BBS9: variants seen among roughly 807,000 people sequenced by gnomAD.
BBS9 encodes Bardet-Biedl syndrome 9.
BBS9 carries 89 observed loss-of-function variants against 117.7 expected under a neutral mutation model. The observed-to-expected ratio is 0.76, with a 90% CI of 0.64 to 0.90. BBS9 has a LOEUF of 0.90. Ranked by LOEUF, BBS9 falls within the 40% of genes least tolerant of loss-of-function variation. The pLI is 0.00. For missense variants in BBS9, 982 were observed against 1,042.2 expected, an observed-to-expected ratio of 0.94 and a Z score of 0.80; for synonymous variants, 379 against 370.9, an observed-to-expected ratio of 1.02 and a Z score of -0.25.
At chr7:33,597,758 A>T (rs930761450) in intron 21 of BBS9, among the ~76,000 whole-genome samples, 1 of 152,002 alleles carries the variant, frequency 6.6e-6, no homozygotes, top group Non-Finnish European at 1.5e-5. Context: ...CATTTGTGGC[A>T]TCAGTTCCCC....
chr7:33,139,152 T>C, intron 1 of BBS9, among the ~76,000 whole-genome samples: 1 of 151,162 alleles, frequency 6.6e-6, no homozygotes, highest in East Asian at 2.2e-4. Context: ...TTCAGGAGGC[T>C]GAGGCAGGAG....
intron 21 of BBS9, among the ~76,000 whole-genome samples, chr7:33,632,151 T>C (rs1345239095): frequency 6.6e-6 from 1 of 152,134 alleles, no homozygotes; most frequent in African/African-American, 2.4e-5. Flanking sequence ...GGGTTTTCTT[T>C]AGTGTTTCCC....
At chr7:33,295,182 A>C (rs1186449540) in intron 9 of BBS9, among the ~76,000 whole-genome samples, 1 of 152,142 alleles carries the variant, frequency 6.6e-6, no homozygotes, top group Non-Finnish European at 1.5e-5. Context: ...TTAGAGAAAA[A>C]GAGATACTAA....
intron 5 of BBS9, among the ~76,000 whole-genome samples, chr7:33,234,710 C>T (rs1229968112): frequency 6.7e-6 from 1 of 149,142 alleles, no homozygotes; most frequent in African/African-American, 2.4e-5. Flanking sequence ...CACACACACA[C>T]ACACACATAC....
intron 19 of BBS9, among the ~76,000 whole-genome samples, chr7:33,405,467 C>G (rs1373286264): frequency 1.3e-5 from 2 of 152,138 alleles, no homozygotes; most frequent in African/African-American, 4.8e-5. Flanking sequence ...GTGAATCCAT[C>G]TGGTCGTGGA....
chr7:33,337,006 TA>T (rs1212486729), intron 10 of BBS9, among the ~76,000 whole-genome samples: 1 of 152,130 alleles, frequency 6.6e-6, no homozygotes, highest in East Asian at 1.9e-4. Context: ...GTTCTTCTTT[TA>T]AAAGAAACCA....
At position 33,593,530 on chromosome 7, in the gene BBS9, G is replaced by T. The variant is rs116338410; in HGVS notation, c.2522-11335G>T. Among the ~76,000 whole-genome samples, 278 of 152,156 alleles carry T rather than the reference G, an allele frequency of 1.8e-3. 2 individuals carry two copies. The highest frequency in any genetic ancestry group is 6.3e-3 in the African/African-American group (262 of 41,530). ...AAAACAGATGTAATGCAAATAAATAGAAGAGTTCTCATTTCCTTCAGTGAA... is the reference window on the plus strand; with the variant it reads ...AAAACAGATGTAATGCAAATAAATATAAGAGTTCTCATTTCCTTCAGTGAA... On this transcript the variant is annotated intron_variant, in intron 21 of 22. Transcript: ENST00000242067.
At chr7:33,558,301 A>G (rs768859396) in intron 21 of BBS9, among the ~76,000 whole-genome samples, 3 of 152,170 alleles carry the variant, frequency 2.0e-5, no homozygotes, top group Non-Finnish European at 4.4e-5. Context: ...GTAGTGTGAT[A>G]AGAGTAAATG....
rs536594402 is a variant in BBS9 at position 33,316,729 on chromosome 7, AT to A, written c.1017-19703del. On this transcript the variant is annotated intron_variant, in intron 9 of 22. Coordinates refer to ENST00000242067, the MANE Select transcript of BBS9 (RefSeq NM_198428.3). ...ATATTCATGTCTTTTGCCCAGTTAA[AT>A]TTTTTTTTGGTTGTTATAGTAGTTC... 9.0e-4 allele frequency among the ~76,000 whole-genome samples: 137 copies of A among 151,684 alleles called. 1 individual carries two copies. Among genetic ancestry groups the A allele is most frequent in the Non-Finnish European group, 1.0e-3 (70 of 67,830 alleles).
rs750064910 is a variant in BBS9 at position 33,357,919 on chromosome 7, G to A, written c.1617G>A (p.Gln539=). The change falls in exon 16 of 23, where the codon CAG becomes CAA. Residue 539 remains glutamine (Q), a synonymous_variant. Transcript: ENST00000242067. ...TAAAGTTAATTTGCCTACCAGGTCAGCCTTCAAAAACTGCAAGCCACAAAA... is the reference window on the plus strand; with the variant it reads ...TAAAGTTAATTTGCCTACCAGGTCAACCTTCAAAAACTGCAAGCCACAAAA... The part of the protein sequence containing the change: ...LPLKLICLPG[Q]PSKTASHKIT... 3.1e-6 allele frequency: 5 copies of A among 1,612,140 alleles called. No individual in the cohort carries two copies. The highest frequency in any genetic ancestry group is 1.1e-5 in the South Asian group (1 of 91,044).
At chr7:33,604,556 T>C (rs1864294395) in intron 21 of BBS9, among the ~76,000 whole-genome samples, 1 of 152,226 alleles carries the variant, frequency 6.6e-6, no homozygotes, top group Non-Finnish European at 1.5e-5. Flanking sequence ...CTTTATATTC[T>C]GGATATCACA....
intron 5 of BBS9, among the ~76,000 whole-genome samples, chr7:33,183,650 A>G (rs978104813): frequency 6.6e-6 from 1 of 152,214 alleles, no homozygotes; most frequent in Non-Finnish European, 1.5e-5. Flanking sequence ...GTCAATTTTG[A>G]GCTTGCAAAA....
At chr7:33,586,869 A>G (rs1246206634) in intron 21 of BBS9, among the ~76,000 whole-genome samples, 1 of 152,100 alleles carries the variant, frequency 6.6e-6, no homozygotes, top group African/African-American at 2.4e-5. Context: ...TCATAAACAT[A>G]GAATCAATAG....
chr7:33,613,300 G>A (rs913687454), intron 21 of BBS9, among the ~76,000 whole-genome samples: 2 of 152,032 alleles, frequency 1.3e-5, no homozygotes, highest in Admixed American at 6.6e-5. Context: ...ACCCTAAAAT[G>A]TAAGACTGTT....
intron 21 of BBS9, among the ~76,000 whole-genome samples, chr7:33,568,351 A>G (rs909671951): frequency 3.3e-5 from 5 of 152,094 alleles, no homozygotes; most frequent in Non-Finnish European, 7.4e-5. Flanking sequence ...TCTTGCTGAC[A>G]TCCCCACTTC....
intron 4 of BBS9, among the ~76,000 whole-genome samples, chr7:33,168,857 T>TGTGCAG (rs1393430284): frequency 6.6e-6 from 1 of 152,118 alleles, no homozygotes; most frequent in East Asian, 1.9e-4. Context: ...ATGTGCACAT[T>TGTGCAG]GTGCAGGTTA....
intron 21 of BBS9, among the ~76,000 whole-genome samples, chr7:33,621,069 G>A (rs1348849697): frequency 6.6e-6 from 1 of 151,938 alleles, no homozygotes; most frequent in Non-Finnish European, 1.5e-5. Flanking sequence ...ATACAAAAAT[G>A]AATGAAAAAA....
At chr7:33,478,872 T>C (rs1311379814) in intron 19 of BBS9, among the ~76,000 whole-genome samples, 2 of 99,388 alleles carry the variant, frequency 2.0e-5, no homozygotes, top group African/African-American at 4.2e-5. Flanking sequence ...ATGATGTTAG[T>C]GGGTTTTTTT....
chr7:33,361,083 C>A (rs1225250705), intron 16 of BBS9, among the ~76,000 whole-genome samples: 1 of 152,008 alleles, frequency 6.6e-6, no homozygotes, highest in Non-Finnish European at 1.5e-5. Context: ...GATTTTTTCA[C>A]AAGATTCCCT....
Sources: allele counts gnomAD v4.1 joint callset (sites outside exome capture counted in the v4.1 genomes callset), GRCh38; gene constraint gnomAD v4.1.1; transcripts MANE v1.5; gene names NCBI Gene and HGNC (gene_info 2026-07-23, HGNC 2026-07-21).